ARSB: variants seen among roughly 807,000 people sequenced by gnomAD.
The protein encoded by ARSB is N-acetylgalactosamine-4-sulfatase.
In ARSB, 41 loss-of-function variants were observed where a neutral mutation model predicts 50.9. The ratio of observed to expected loss-of-function variants is 0.81; its 90% CI spans 0.63 to 1.04. The LOEUF is 1.04. Among genes scored for constraint, ARSB ranks in the 50% least tolerant of loss-of-function variants. ARSB has a pLI of 0.00. For missense variants in ARSB, 672 were observed against 693.3 expected, an observed-to-expected ratio of 0.97 and a Z score of 0.35; for synonymous variants, 269 against 284.8, an observed-to-expected ratio of 0.94 and a Z score of 0.56.
intron 5 of ARSB, among the ~76,000 whole-genome samples, chr5:78,851,578 G>A (rs991280563): frequency 3.9e-4 from 60 of 152,044 alleles, no homozygotes; most frequent in African/African-American, 1.4e-3. Flanking sequence ...TATTAGGTCC[G>A]CTTGGTGCAG....
intron 5 of ARSB, among the ~76,000 whole-genome samples, chr5:78,843,417 C>G (rs72762957): frequency 0.13 from 19,139 of 152,164 alleles, 1,410 homozygotes; most frequent in Middle Eastern, 0.21. Flanking sequence ...TAATGATTCT[C>G]AACCTTGGCT....
At chr5:78,799,263 A>G (rs1743287094) in intron 6 of ARSB, among the ~76,000 whole-genome samples, 1 of 152,224 alleles carries the variant, frequency 6.6e-6, no homozygotes, top group Admixed American at 6.5e-5. Context: ...GAATCTGTAG[A>G]TGCAGATTTG....
intron 6 of ARSB, among the ~76,000 whole-genome samples, chr5:78,822,576 C>T (rs1744271734): frequency 6.6e-6 from 1 of 152,154 alleles, no homozygotes; most frequent in African/African-American, 2.4e-5. Context: ...CATAATCTCA[C>T]CCTCTAAAGC....
chr5:78,823,950 G>A (rs1744333830), intron 6 of ARSB, among the ~76,000 whole-genome samples: 1 of 151,576 alleles, frequency 6.6e-6, no homozygotes, highest in South Asian at 2.1e-4. Flanking sequence ...GATCCCCAAT[G>A]TTGGAGGGGG....
intron 5 of ARSB, among the ~76,000 whole-genome samples, chr5:78,853,717 T>C (rs933439842): frequency 6.6e-5 from 10 of 152,254 alleles, no homozygotes; most frequent in African/African-American, 2.2e-4. Flanking sequence ...TCCACCAAGT[T>C]TGAGCTTCCT....
intron 6 of ARSB, among the ~76,000 whole-genome samples, chr5:78,820,665 G>C (rs1744177323): frequency 6.6e-6 from 1 of 152,132 alleles, no homozygotes; most frequent in African/African-American, 2.4e-5. Context: ...CCTTTATCAG[G>C]GTTTCTCAGC....
chr5:78,964,255 C>T (rs1413388323), intron 3 of ARSB, among the ~76,000 whole-genome samples, 161 bp downstream of exon 3: 3 of 152,218 alleles, frequency 2.0e-5, no homozygotes, highest in Non-Finnish European at 2.9e-5. Context: ...TCCTTTTTAA[C>T]AAGCTTCCCA....
intron 4 of ARSB, among the ~76,000 whole-genome samples, chr5:78,889,011 G>C (rs1384569753): frequency 6.6e-6 from 1 of 152,252 alleles, no homozygotes; most frequent in Non-Finnish European, 1.5e-5. Context: ...CAGAAGGGCA[G>C]TTCAGCTTCG....
intron 3 of ARSB, among the ~76,000 whole-genome samples, chr5:78,959,435 AAGAAATCCC>A (rs1751888085): frequency 6.6e-6 from 1 of 152,160 alleles, no homozygotes; most frequent in Admixed American, 6.5e-5. Context: ...CTAATACAGT[AAGAAATCCC>A]AAACTTCTAC....
chr5:78,959,528 T>C (rs1751891713), intron 3 of ARSB, among the ~76,000 whole-genome samples: 1 of 152,084 alleles, frequency 6.6e-6, no homozygotes, highest in Non-Finnish European at 1.5e-5. Context: ...TGTACTTGAA[T>C]AAACTCTCTT....
Position 78,957,911 on chromosome 5 carries a change from G to T in ARSB, c.691-2409C>A, listed in dbSNP as rs370728029. Among the ~76,000 whole-genome samples the T allele has an allele frequency of 2.2e-3, 261 of 120,028 alleles. 2 individuals carry two copies. The highest frequency in any genetic ancestry group is 6.6e-3 in the African/African-American group (244 of 36,806). 78.7% of individuals were successfully genotyped at this position (120,028 alleles called of 152,430 possible). A position where few individuals can be genotyped will look rare whatever the true frequency, so the allele number is the denominator to read the frequency against. On this transcript the variant is annotated intron_variant, in intron 3 of 7. Transcript: ENST00000264914. The stretch of plus-strand genomic sequence containing the variant: ...CCAGCCACCAGCCAAGGTCCAGATG[G>T]GGATAGGATTAAAAATCGGAAGTCT...
At chr5:78,835,714 G>A (rs1054061682) in intron 6 of ARSB, among the ~76,000 whole-genome samples, 1 of 152,178 alleles carries the variant, frequency 6.6e-6, no homozygotes, top group Non-Finnish European at 1.5e-5. Context: ...GAGAGAAGCA[G>A]AGTAAGCAGC....
At chr5:78,817,830 AC>A (rs557255043) in intron 6 of ARSB, among the ~76,000 whole-genome samples, 94 of 151,926 alleles carry the variant, frequency 6.2e-4, no homozygotes, top group African/African-American at 2.2e-3. Flanking sequence ...ACCCAAAAAA[AC>A]AAAACAAAAA....
At chr5:78,980,054 A>AT (rs1479551098) in intron 1 of ARSB, among the ~76,000 whole-genome samples, 1 of 152,270 alleles carries the variant, frequency 6.6e-6, no homozygotes, top group Non-Finnish European at 1.5e-5. Context: ...GTAAAGTCAC[A>AT]TAGATAATAA....
intron 6 of ARSB, among the ~76,000 whole-genome samples, chr5:78,834,614 T>TATATAC (rs1478800096): frequency 1.7e-5 from 2 of 115,730 alleles, no homozygotes; most frequent in Admixed American, 1.9e-4. Flanking sequence ...TGTGTATATA[T>TATATAC]ATATATATAT....
intron 5 of ARSB, among the ~76,000 whole-genome samples, chr5:78,866,849 G>C (rs968465394): frequency 6.6e-6 from 1 of 152,184 alleles, no homozygotes; most frequent in South Asian, 2.1e-4. Context: ...TCCGGTCTAC[G>C]GCTCCCAGCA....
intron 4 of ARSB, among the ~76,000 whole-genome samples, chr5:78,909,938 C>T (rs1749231851): frequency 2.0e-5 from 3 of 152,322 alleles, no homozygotes; most frequent in South Asian, 4.1e-4. Flanking sequence ...AGGAGAAAAG[C>T]CGCCCTGTGG....
At chr5:78,795,777 A>G (rs1743157901) in intron 6 of ARSB, among the ~76,000 whole-genome samples, 1 of 152,230 alleles carries the variant, frequency 6.6e-6, no homozygotes, top group African/African-American at 2.4e-5. Flanking sequence ...TAATTTTTAT[A>G]TATGCACTCC....
At chr5:78,854,050 T>C (rs62377547) in intron 5 of ARSB, among the ~76,000 whole-genome samples, 19,296 of 152,270 alleles carry the variant, frequency 0.13, 1,405 homozygotes, top group Middle Eastern at 0.21. Flanking sequence ...GGCTTGCGCA[T>C]GGTGCGCTGC....
Sources: allele counts gnomAD v4.1 joint callset (sites outside exome capture counted in the v4.1 genomes callset), GRCh38; gene constraint gnomAD v4.1.1; transcripts MANE v1.5; gene names NCBI Gene and HGNC (gene_info 2026-07-23, HGNC 2026-07-21).